The following FYB2 variants were observed in gnomAD, a reference collection of about 807,000 sequenced individuals.
The protein encoded by FYB2 is FYN binding protein 2, also known as FYN-binding protein 2.
A neutral mutation model predicts 94.1 loss-of-function variants in FYB2; 103 were observed. That is an observed-to-expected ratio of 1.09 (90% confidence interval 0.93 to 1.29). FYB2 has a LOEUF of 1.29. FYB2 is among the 50% of genes most tolerant of loss of function. The probability of loss-of-function intolerance (pLI) is 0.00; values close to 1 mark genes in which losing one functional copy is unlikely to be tolerated. For synonymous variants in FYB2, 293 were observed against 287.9 expected (o/e 1.02, Z -0.18); for missense variants, 896 against 841.5 (o/e 1.06, Z -0.80).
intron 4 of FYB2, among the ~76,000 whole-genome samples, chr1:56,769,529 A>T (rs942057762): frequency 1.3e-5 from 2 of 152,184 alleles, no homozygotes; most frequent in African/African-American, 4.8e-5. Context: ...TATAATAGCT[A>T]TACTATTATT....
At chr1:56,796,712 A>G (rs1646408148) in intron 1 of FYB2, among the ~76,000 whole-genome samples, 1 of 152,098 alleles carries the variant, frequency 6.6e-6, no homozygotes, top group African/African-American at 2.4e-5. Flanking sequence ...GCCTCCCCCC[A>G]ACATGCTTTC....
At chr1:56,777,239 C>CAA (rs1453236717) in intron 4 of FYB2, among the ~76,000 whole-genome samples, 26 of 4,798 alleles carry the variant, frequency 5.4e-3, no homozygotes, top group Non-Finnish European at 6.0e-3. Context: ...GTCTCAAAAA[C>CAA]AAAAAAAAAA....
chr1:56,720,230 C>T lies in FYB2; in HGVS notation c.2074G>A (p.Glu692Lys), dbSNP rs767226081. 2 of 1,612,262 alleles carry T rather than the reference C, an allele frequency of 1.2e-6. No homozygotes were observed. The highest frequency in any genetic ancestry group is 3.3e-5 in the Admixed American group (2 of 59,858). ...DLPISPGEEL[E>K]VIDTTEQNLV... ...TTTTGTTCGGTGGTATCAATGACTT[C>T]CAATTCTTCTCCAGGACTTATTGGC... The change falls in exon 18 of 20, where the codon GAA becomes AAA. Residue 692 changes from glutamate to lysine, a missense_variant. Physicochemically the swap from Glu to Lys is moderately conservative, Grantham distance 56. Coordinates refer to ENST00000343433, the MANE Select transcript of FYB2 (RefSeq NM_001004303.5).
Position 56,751,092 on chromosome 1 carries a change from T to G in FYB2, c.1339A>C (p.Asn447His), listed in dbSNP as rs1645186743. ...QEAMIDIIQT[N>H]PCPEGPKLAR... Reference sequence around the variant, plus strand: ...AGCTTTGGGCCCTCAGGGCAGGGATTTGTCTGGATGATGTCAATCATGGCC... The same window carrying G: ...AGCTTTGGGCCCTCAGGGCAGGGATGTGTCTGGATGATGTCAATCATGGCC... The change falls in exon 9 of 20, where the codon AAT becomes CAT. Residue 447 changes from asparagine (N) to histidine (H), a missense_variant. By Grantham distance (68) the Asn-to-His change is moderately conservative. Transcript: ENST00000343433. 4 of 1,612,740 alleles carry G rather than the reference T, an allele frequency of 2.5e-6. No individual in the cohort carries two copies.
intron 15 of FYB2, among the ~76,000 whole-genome samples, chr1:56,733,036 T>C (rs896290934): frequency 1.3e-5 from 2 of 151,686 alleles, no homozygotes; most frequent in African/African-American, 4.8e-5. Context: ...ATCAACAGAG[T>C]GAAAAGACAA....
intron 1 of FYB2, among the ~76,000 whole-genome samples, chr1:56,801,239 C>G (rs1646512319): frequency 6.6e-6 from 1 of 152,166 alleles, no homozygotes; most frequent in African/African-American, 2.4e-5. Flanking sequence ...TTCTTCCACT[C>G]TCCTCTATTC....
intron 9 of FYB2, among the ~76,000 whole-genome samples, chr1:56,750,773 C>A (rs938412067): frequency 6.6e-6 from 1 of 151,900 alleles, no homozygotes; most frequent in African/African-American, 2.4e-5. Context: ...TTATGATGAT[C>A]TCTTTTTATA....
chr1:56,787,120 T>TA lies in FYB2; in HGVS notation c.953+54dup, dbSNP rs1447064455. The TA allele has an allele frequency of 2.5e-6, 4 of 1,593,502 alleles. No homozygotes were observed. In the East Asian group the frequency reaches 8.9e-5, roughly 36 times the overall value. Reference sequence around the variant, plus strand: ...GCTAATTGCCTGCTCTGGAGCAGTCTAAGTAGCCTCTGTGGTGGGCTACGT... The same window carrying TA: ...GCTAATTGCCTGCTCTGGAGCAGTCTAAAGTAGCCTCTGTGGTGGGCTACGT... On this transcript the variant is annotated intron_variant, in intron 4 of 19. Coordinates refer to ENST00000343433, the MANE Select transcript of FYB2 (RefSeq NM_001004303.5).
At chr1:56,807,639 A>G (rs545221816) in intron 1 of FYB2, among the ~76,000 whole-genome samples, 29 of 152,326 alleles carry the variant, frequency 1.9e-4, no homozygotes, top group African/African-American at 7.0e-4. Flanking sequence ...ACTGCAGTAG[A>G]TGCAGTGCAT....
At chr1:56,755,787 C>T in intron 7 of FYB2, 109 bp downstream of exon 7, 1 of 1,104,518 alleles carries the variant, frequency 9.1e-7, no homozygotes, top group South Asian at 1.4e-5. Context: ...GGAAACTGAA[C>T]CAGGCTAGCT....
intron 4 of FYB2, among the ~76,000 whole-genome samples, chr1:56,773,281 C>T (rs1192437139): frequency 6.6e-6 from 1 of 152,126 alleles, no homozygotes; most frequent in Non-Finnish European, 1.5e-5. Context: ...CCTCATTGTC[C>T]TTTGGAGAAT....
At chr1:56,766,045 T>TAGAA (rs1645614819) in intron 5 of FYB2, among the ~76,000 whole-genome samples, 1 of 152,198 alleles carries the variant, frequency 6.6e-6, no homozygotes, top group African/African-American at 2.4e-5. Context: ...CTTAGCCTTG[T>TAGAA]AGAAGGACAT....
rs1433689672 is a variant in FYB2, at chr1:56,725,646, T to G, written c.1880+851A>C. On this transcript the variant is annotated intron_variant, in intron 16 of 19. Transcript: ENST00000343433. ...GATAGAAAGCTGCTTTTCTAGTCTG[T>G]TAATACATCTTTCCAGCCTGAGAAA... Among the ~76,000 whole-genome samples, 5 of 152,042 alleles carry G rather than the reference T, an allele frequency of 3.3e-5. No individual in the cohort carries two copies. In the East Asian group the frequency reaches 9.6e-4, roughly 29 times the overall value.
intron 4 of FYB2, among the ~76,000 whole-genome samples, chr1:56,776,427 T>A (rs1443375715): frequency 1.3e-5 from 2 of 152,186 alleles, no homozygotes; most frequent in African/African-American, 4.8e-5. Flanking sequence ...AATGACTTTC[T>A]AAAAGCACTT....
At chr1:56,816,436 G>A (rs888569228) in intron 1 of FYB2, among the ~76,000 whole-genome samples, 10 of 152,174 alleles carry the variant, frequency 6.6e-5, no homozygotes, top group Non-Finnish European at 2.9e-5. Flanking sequence ...TCATAAATGA[G>A]GTAGATGGGG....
chr1:56,755,715 G>A (rs555683295), intron 7 of FYB2, among the ~76,000 whole-genome samples, 181 bp downstream of exon 7: 16 of 152,056 alleles, frequency 1.1e-4, no homozygotes, highest in African/African-American at 3.4e-4. Context: ...CAAGATAAGA[G>A]GGGGAGGCAA....
At chr1:56,731,825 G>A (rs1442250322) in intron 15 of FYB2, 1 of 152,018 alleles carries the variant, frequency 6.6e-6, no homozygotes, top group African/African-American at 2.4e-5. Context: ...CAATAAATTA[G>A]GCATAGAAGA....
chr1:56,794,088 G>A (rs1223264093), intron 1 of FYB2, among the ~76,000 whole-genome samples: 1 of 152,196 alleles, frequency 6.6e-6, no homozygotes, highest in Non-Finnish European at 1.5e-5. Context: ...TAAGAGGCTA[G>A]ATGACGCTCT....
intron 9 of FYB2, 58 bp downstream of exon 9, chr1:56,750,986 T>C: frequency 6.4e-7 from 1 of 1,562,730 alleles, no homozygotes; most frequent in Non-Finnish European, 8.7e-7. Context: ...ATTTTGGCCA[T>C]GCTCAGCTAT....
Sources: allele counts gnomAD v4.1 joint callset (sites outside exome capture counted in the v4.1 genomes callset), GRCh38; gene constraint gnomAD v4.1.1; transcripts MANE v1.5; gene names NCBI Gene and HGNC (gene_info 2026-07-23, HGNC 2026-07-21).